TSPAN18: variants seen among roughly 807,000 people sequenced by gnomAD.
TSPAN18 encodes the protein tetraspanin 18.
TSPAN18 carries 14 observed loss-of-function variants against 27.3 expected under a neutral mutation model. That is an observed-to-expected ratio of 0.51 (90% CI 0.34 to 0.80). TSPAN18 has a LOEUF of 0.80. Among genes scored for constraint, TSPAN18 ranks in the 30% least tolerant of loss-of-function variants. The pLI is 0.01. For missense variants in TSPAN18, 268 were observed against 323.9 expected (o/e 0.83, Z 1.32); for synonymous variants, 143 against 136.5 (o/e 1.05, Z -0.33).
chr11:44,853,603 A>T (rs145020181), intron 2 of TSPAN18, among the ~76,000 whole-genome samples: 1 of 152,168 alleles, frequency 6.6e-6, no homozygotes, highest in African/African-American at 2.4e-5. Flanking sequence ...AGTTACCTTG[A>T]CAGAGATTAC....
intron 2 of TSPAN18, among the ~76,000 whole-genome samples, chr11:44,849,966 G>A (rs572316959): frequency 1.9e-4 from 29 of 152,182 alleles, no homozygotes; most frequent in Non-Finnish European, 3.8e-4. Flanking sequence ...TAAATAGGGA[G>A]ACCGTCCCAG....
At chr11:44,771,516 A>C (rs778306612) in intron 2 of TSPAN18, among the ~76,000 whole-genome samples, 2 of 152,212 alleles carry the variant, frequency 1.3e-5, no homozygotes, top group Non-Finnish European at 2.9e-5. Flanking sequence ...CAGCAGATGC[A>C]TTCCTAGGTG....
At position 44,926,775 on chromosome 11, in the gene TSPAN18, C is replaced by A; in HGVS notation, c.699+18C>A. The A allele has an allele frequency of 6.2e-7, 1 of 1,612,760 alleles. No individual in the cohort carries two copies. The highest frequency in any genetic ancestry group is 8.5e-7 in the Non-Finnish European group (1 of 1,178,754). ...CCATCGAGGTAAGTAAAGGCCCCCA[C>A]TTCTGCCGCTCCCCAGGATGAAGCC... is the stretch of plus-strand genomic sequence containing the variant. On this transcript the variant is annotated intron_variant, in intron 9 of 9. Coordinates refer to ENST00000520358, the MANE Select transcript of TSPAN18 (RefSeq NM_130783.5).
At chr11:44,796,575 G>C (rs1478481098) in intron 2 of TSPAN18, among the ~76,000 whole-genome samples, 1 of 152,182 alleles carries the variant, frequency 6.6e-6, no homozygotes, top group African/African-American at 2.4e-5. Context: ...ATAGCGCCCA[G>C]AATGGAACCC....
In TSPAN18 at chr11:44,817,531, G is replaced by A. The variant is rs1590522993; in HGVS notation, c.-152-42797G>A. 2.6e-5 allele frequency among the ~76,000 whole-genome samples: 4 copies of A among 152,338 alleles called. No homozygotes were observed. In the South Asian group the frequency reaches 8.3e-4, roughly 32 times the overall value. ...TTTATGCTGCGACTTAGGCTGAAGG[G>A]GCAGTGGCTACTGAGATTTTCTTCT... On this transcript the variant is annotated intron_variant, in intron 2 of 9. Transcript: ENST00000520358.
chr11:44,854,752 C>T (rs1034854131), intron 2 of TSPAN18, among the ~76,000 whole-genome samples: 1 of 152,132 alleles, frequency 6.6e-6, no homozygotes, highest in African/African-American at 2.4e-5. Context: ...CCTACCGTTG[C>T]TGTGTGATCT....
intron 2 of TSPAN18, among the ~76,000 whole-genome samples, chr11:44,817,532 G>T (rs1856840168): frequency 6.6e-6 from 1 of 152,210 alleles, no homozygotes; most frequent in Admixed American, 6.5e-5. Flanking sequence ...GGCTGAAGGG[G>T]CAGTGGCTAC....
At chr11:44,783,640 G>A (rs1034170122) in intron 2 of TSPAN18, among the ~76,000 whole-genome samples, 1 of 151,896 alleles carries the variant, frequency 6.6e-6, no homozygotes, top group African/African-American at 2.4e-5. Flanking sequence ...CTCGCAGTCC[G>A]CCTGCCTCAG....
chr11:44,789,068 G>A (rs945533641), intron 2 of TSPAN18, among the ~76,000 whole-genome samples: 4 of 152,296 alleles, frequency 2.6e-5, no homozygotes, highest in Non-Finnish European at 5.9e-5. Context: ...GAAGACTTGC[G>A]GATTTTCCCT....
rs923272180 is a variant in TSPAN18 at position 44,756,387 on chromosome 11, A to AT, written c.-239-8030dup. On this transcript the variant is annotated intron_variant, in intron 1 of 9. Coordinates refer to ENST00000520358, the MANE Select transcript of TSPAN18 (RefSeq NM_130783.5). ...TCATAGCTACTCCCTTTTTTTCCCC[A>AT]TTTTTTTTTAGTTGTCATAAAATAC... 1.0e-4 allele frequency among the ~76,000 whole-genome samples: 15 copies of AT among 149,618 alleles called. 1 individual carries two copies. In the South Asian group the frequency reaches 1.1e-3, roughly 11 times the overall value.
intron 2 of TSPAN18, among the ~76,000 whole-genome samples, chr11:44,812,022 T>C (rs1443974428): frequency 6.6e-6 from 1 of 152,180 alleles, no homozygotes; most frequent in African/African-American, 2.4e-5. Flanking sequence ...TCGACTTCGG[T>C]GGAAACAGGC....
At chr11:44,851,981 T>G (rs861354) in intron 2 of TSPAN18, among the ~76,000 whole-genome samples, 79,564 of 152,014 alleles carry the variant, frequency 0.52, 22,197 homozygotes, top group Non-Finnish European at 0.62. Flanking sequence ...TGCAGAGACA[T>G]TGCCAGAATT....
intron 1 of TSPAN18, among the ~76,000 whole-genome samples, chr11:44,730,487 C>T (rs554963388): frequency 1.3e-5 from 2 of 152,250 alleles, no homozygotes; most frequent in Non-Finnish European, 2.9e-5. Flanking sequence ...GAGCAGATGA[C>T]GCCCATTGAT....
intron 2 of TSPAN18, among the ~76,000 whole-genome samples, chr11:44,765,798 TA>T (rs1365768505): frequency 3.9e-5 from 6 of 152,218 alleles, no homozygotes; most frequent in African/African-American, 1.4e-4. Context: ...TGTAAAAACA[TA>T]AAAATGGTTT....
intron 2 of TSPAN18, among the ~76,000 whole-genome samples, chr11:44,828,728 T>C (rs11038168): frequency 0.11 from 16,834 of 152,282 alleles, 974 homozygotes; most frequent in Middle Eastern, 0.2. Flanking sequence ...GTAGCCCAGC[T>C]GCAGTGAATG....
intron 5 of TSPAN18, 162 bp from the exon 6 acceptor site, chr11:44,917,810 G>A: frequency 1.6e-6 from 1 of 623,046 alleles, no homozygotes; most frequent in East Asian, 2.7e-5. Flanking sequence ...GGAATCACTG[G>A]TGTGTTTGTT....
intron 7 of TSPAN18, 80 bp from the exon 8 acceptor site, chr11:44,919,737 A>C: frequency 1.4e-6 from 2 of 1,407,320 alleles, no homozygotes; most frequent in Non-Finnish European, 2.0e-6. Flanking sequence ...ACTCCTTTGC[A>C]GAGGCTGTAT....
At chr11:44,868,991 G>T (rs1163796887) in intron 3 of TSPAN18, among the ~76,000 whole-genome samples, 1 of 152,250 alleles carries the variant, frequency 6.6e-6, no homozygotes, top group Non-Finnish European at 1.5e-5. Flanking sequence ...CTGCTGATTT[G>T]TGGTGAGCAC....
At chr11:44,747,532 G>A (rs761797707) in intron 1 of TSPAN18, among the ~76,000 whole-genome samples, 5 of 152,092 alleles carry the variant, frequency 3.3e-5, no homozygotes, top group Non-Finnish European at 5.9e-5. Context: ...TGAATATGAC[G>A]GTTGCCATTA....
Sources: allele counts gnomAD v4.1 joint callset (sites outside exome capture counted in the v4.1 genomes callset), GRCh38; gene constraint gnomAD v4.1.1; transcripts MANE v1.5; gene names NCBI Gene and HGNC (gene_info 2026-07-23, HGNC 2026-07-21).